PLCH2: variants seen among roughly 807,000 people sequenced by gnomAD.
PLCH2 encodes phospholipase C eta 2.
Under a neutral mutation model 134.7 loss-of-function variants are expected in PLCH2, and 98 were observed. The ratio of observed to expected loss-of-function variants is 0.73; its 90% CI spans 0.62 to 0.86. The LOEUF (loss-of-function observed/expected upper bound fraction) is 0.86. Ranked by LOEUF, PLCH2 falls within the 40% of genes least tolerant of loss-of-function variation. The pLI is 0.00. For missense variants in PLCH2, 1,994 were observed against 1,986.6 expected (o/e 1.00, Z -0.07); for synonymous variants, 974 against 827.5 (o/e 1.18, Z -3.04).
At chr1:2,480,341 C>G (rs768715002) in intron 4 of PLCH2, 29 bp downstream of exon 4, 16 of 1,605,118 alleles carry the variant, frequency 1.0e-5, no homozygotes, top group African/African-American at 1.3e-5. Flanking sequence ...TACCTGGGCT[C>G]CAGAGCCAGG....
intron 2 of PLCH2, among the ~76,000 whole-genome samples, chr1:2,461,977 C>T (rs1030562933): frequency 2.0e-5 from 3 of 151,954 alleles, no homozygotes; most frequent in East Asian, 1.9e-4. Context: ...CCTCCCCTGG[C>T]GCCCCCTCTC....
chr1:2,503,508 C>T, intron 21 of PLCH2: 1 of 662,376 alleles, frequency 1.5e-6, no homozygotes, highest in East Asian at 2.7e-5. Context: ...AGGGTGTCTC[C>T]TTAGCCTGGA....
At chr1:2,472,933 G>A (rs1641404428), upstream of PLCH2, among the ~76,000 whole-genome samples, 1 of 149,844 alleles carries the variant, frequency 6.7e-6, no homozygotes, top group Non-Finnish European at 1.5e-5. Flanking sequence ...AGGCCTGTGG[G>A]TGTGATTTGT....
chr1:2,440,141 G>A (rs559264934), intron 2 of PLCH2, among the ~76,000 whole-genome samples: 14 of 152,310 alleles, frequency 9.2e-5, no homozygotes, highest in African/African-American at 2.4e-4. Flanking sequence ...TGAGGGGTCC[G>A]ATGTAGCCTG....
chr1:2,502,163 G>C lies in PLCH2; in HGVS notation c.2713G>C (p.Gly905Arg). Reference protein sequence around the residue: ...KGLFLRGPKPGSLDSHAAGRP... With the variant: ...KGLFLRGPKPRSLDSHAAGRP... ...CCTCTTCCTCCGAGGCCCAAAGCCC[G>C]GCTCGCTGGACAGTCATGCTGCTGG... Residue 905 changes from glycine to arginine, a missense_variant, in exon 21 of 22, where the codon GGC becomes CGC. Physicochemically the swap from Gly to Arg is moderately radical, Grantham distance 125. Around this residue, in one of 2 missense-constraint regions of PLCH2, gnomAD observed 900 missense variants for 752.3 expected, o/e 1.20. Transcript: ENST00000378486. 6.7e-7 allele frequency: 1 copy of C among 1,502,400 alleles called. No homozygotes were observed. The highest frequency in any genetic ancestry group is 8.9e-7 in the Non-Finnish European group (1 of 1,129,626). The allele number at this position is 1,502,400 out of a possible 1,614,324, so 93.1% of individuals were successfully genotyped here. A position where few individuals can be genotyped will look rare whatever the true frequency, so the allele number is the denominator to read the frequency against.
chr1:2,432,978 A>G (rs1639141489), intron 2 of PLCH2, among the ~76,000 whole-genome samples: 1 of 152,020 alleles, frequency 6.6e-6, no homozygotes, highest in Admixed American at 6.5e-5. Context: ...CCTGTTACCC[A>G]CCAGTGCCCA....
chr1:2,448,265 C>T lies in PLCH2; in HGVS notation c.115+17636C>T, dbSNP rs1461960698. 2.0e-5 allele frequency among the ~76,000 whole-genome samples: 3 copies of T among 152,130 alleles called. No homozygotes were observed. Among genetic ancestry groups the T allele is most frequent in the Non-Finnish European group, 4.4e-5 (3 of 68,026 alleles). ...AAAACGCCGCACGCTTATTCTCTCG[C>T]AGTCCTGGAGGCTGGAAGTCTGAGG... On this transcript the variant is annotated intron_variant, in intron 2 of 3. Coordinates refer to the PLCH2 transcript ENST00000609981. This position sits in a 1 kb window ranked among gnomAD's most constrained non-coding sequence, Gnocchi z 4.0.
chr1:2,431,005 G>A (rs1309216354), intron 2 of PLCH2, among the ~76,000 whole-genome samples: 1 of 152,202 alleles, frequency 6.6e-6, no homozygotes, highest in Admixed American at 6.5e-5. Context: ...TCAGAAGGGC[G>A]AAGGCCTCCC....
intron 11 of PLCH2, 126 bp from the exon 12 acceptor site, chr1:2,494,730 T>A: frequency 1.7e-6 from 1 of 602,638 alleles, no homozygotes; most frequent in South Asian, 1.5e-5. Context: ...CCGTCTGCCT[T>A]ACTCCAGACC....
upstream of PLCH2, among the ~76,000 whole-genome samples, chr1:2,472,274 G>A (rs1317312766): frequency 4.6e-5 from 7 of 152,264 alleles, no homozygotes; most frequent in Middle Eastern, 6.8e-3. Flanking sequence ...CCTCCCTCCC[G>A]TGCGGCGCCA....
intron 8 of PLCH2, 105 bp from the exon 9 acceptor site, chr1:2,489,102 C>T: frequency 1.9e-6 from 2 of 1,038,758 alleles, no homozygotes; most frequent in Non-Finnish European, 2.9e-6. Context: ...GGTGAAGACC[C>T]CTCCTCATTC....
chr1:2,503,683 C>A, intron 21 of PLCH2: 1 of 660,820 alleles, frequency 1.5e-6, no homozygotes, highest in Non-Finnish European at 2.8e-6. Context: ...CTGTCCCAGC[C>A]CAAGGAGGGC....
At position 2,448,639 on chromosome 1, in the gene PLCH2, C is replaced by T. The variant is rs12077207; in HGVS notation, c.115+18010C>T. On this transcript the variant is annotated intron_variant, in intron 2 of 3. Coordinates refer to the PLCH2 transcript ENST00000609981. The surrounding 1 kb of genome is among the most constrained non-coding windows in gnomAD (Gnocchi z 4.0). ...AGCCCCCTACTGTGGCCGTGTGCTC[C>T]ACCCCAGCACCCCCGCCCGAGGCAG... is the stretch of plus-strand genomic sequence containing the variant. Among the ~76,000 whole-genome samples, 803 of 152,260 alleles carry T rather than the reference C, an allele frequency of 5.3e-3. 9 individuals carry two copies. The highest frequency in any genetic ancestry group is 0.018 in the African/African-American group (764 of 41,540).
intron 10 of PLCH2, among the ~76,000 whole-genome samples, chr1:2,490,812 T>C (rs2100695181): frequency 1.3e-5 from 2 of 152,328 alleles, no homozygotes; most frequent in South Asian, 2.1e-4. Context: ...CCCGGGGGGC[T>C]GCACTGGCAG....
chr1:2,440,232 C>T (rs900811611), intron 2 of PLCH2, among the ~76,000 whole-genome samples: 1 of 152,050 alleles, frequency 6.6e-6, no homozygotes, highest in African/African-American at 2.4e-5. Flanking sequence ...AGGAAGTGGC[C>T]CATCTGGGAG....
chr1:2,452,290 G>A (rs536518467), intron 2 of PLCH2, among the ~76,000 whole-genome samples: 19 of 152,278 alleles, frequency 1.2e-4, no homozygotes, highest in Admixed American at 2.6e-4. Flanking sequence ...TCCCCCTGCC[G>A]CCCCCCATCC....
rs1373558978 is a variant in PLCH2 at position 2,479,547 on chromosome 1, T to TG, written c.272-181dup. 1.2e-5 allele frequency: 7 copies of TG among 596,300 alleles called. No homozygotes were observed. The East Asian group carries it at 1.7e-4, about 14-fold the overall frequency. The allele number at this position is 596,300 out of a possible 1,614,324, so 36.9% of individuals were successfully genotyped here. On this transcript the variant is annotated intron_variant, in intron 2 of 21. Transcript: ENST00000378486. Reference sequence around the variant, plus strand: ...AAGGGGGAGGGACACGGGTCAGCAGTGGGGGGCTGTGCAGTCTCGCAGATC... The same window carrying TG: ...AAGGGGGAGGGACACGGGTCAGCAGTGGGGGGGCTGTGCAGTCTCGCAGATC...
chr1:2,501,969 C>A (rs534728307), intron 20 of PLCH2, 143 bp from the exon 21 acceptor site: 4 of 710,174 alleles, frequency 5.6e-6, no homozygotes, highest in Non-Finnish European at 8.8e-6. Context: ...TGTCCACACA[C>A]CCCCAGCCTG....
At chr1:2,459,337 CCTCCTTCCTGGTGGTT>C (rs889490724) in intron 2 of PLCH2, among the ~76,000 whole-genome samples, 5 of 146,294 alleles carry the variant, frequency 3.4e-5, no homozygotes, top group African/African-American at 8.2e-5. Flanking sequence ...TCCTGGTGGT[CCTCCTTCCTGGTGGTT>C]CTCCTTCCTG....
Sources: gnomAD v4.1 joint callset for allele counts (sites outside exome capture counted in the v4.1 genomes callset) on GRCh38, gnomAD v4.1.1 for gene constraint, gnomAD v4.1.1 regional missense constraint, Gnocchi (gnomAD v3.1) non-coding constraint, MANE v1.5 for transcripts, NCBI Gene and HGNC (gene_info 2026-07-23, HGNC 2026-07-21) for gene names.